Variants in DAB1 observed in about 807,000 individuals in gnomAD.
DAB1 encodes disabled homolog 1.
DAB1 carries 15 observed loss-of-function variants against 64.6 expected under a neutral mutation model. That is an observed-to-expected ratio of 0.23 (90% CI 0.16 to 0.36). The LOEUF is 0.36. Ranked by LOEUF, DAB1 falls within the 10% of genes least tolerant of loss-of-function variation. The probability of loss-of-function intolerance (pLI) is 1.00; values close to 1 mark genes in which losing one functional copy is unlikely to be tolerated. For synonymous variants in DAB1, 235 were observed against 251.9 expected (o/e 0.93, Z 0.64); for missense variants, 596 against 706.7 (o/e 0.84, Z 1.78).
chr1:58,027,204 T>C lies in DAB1; in HGVS notation n.387+123307A>G, dbSNP rs571419405. On this transcript the variant is annotated intron_variant and non_coding_transcript_variant, in intron 5 of 20. Coordinates refer to the DAB1 transcript ENST00000485760. ...AATGTGAAAAAGGAAGACAATATTA[T>C]GAGGTTTTTATAAAAGCAAAGTGGA... Among the ~76,000 whole-genome samples, 506 of 152,272 alleles carry C rather than the reference T, an allele frequency of 3.3e-3. 1 individual carries two copies. The highest frequency in any genetic ancestry group is 5.9e-3 in the Non-Finnish European group (398 of 68,030).
At chr1:57,711,497 A>T (rs190303124) in intron 6 of DAB1, among the ~76,000 whole-genome samples, 111 of 152,320 alleles carry the variant, frequency 7.3e-4, no homozygotes, top group Middle Eastern at 6.8e-3. Context: ...ATAGGAGTGA[A>T]ACTGCTGCTT....
intron 7 of DAB1, among the ~76,000 whole-genome samples, chr1:57,495,476 A>G (rs1644219537): frequency 6.6e-6 from 1 of 152,208 alleles, no homozygotes; most frequent in African/African-American, 2.4e-5. Context: ...CCGTCAATCA[A>G]ACTCAGCACT....
intron 4 of DAB1, chr1:58,228,785 A>C: frequency 3.8e-6 from 3 of 799,826 alleles, no homozygotes; most frequent in Non-Finnish European, 6.2e-6. Context: ...CAAGACAGAA[A>C]TCATAGAGCA....
intron 6 of DAB1, among the ~76,000 whole-genome samples, chr1:57,664,436 G>T (rs901030608): frequency 6.6e-6 from 1 of 152,102 alleles, no homozygotes; most frequent in Non-Finnish European, 1.5e-5. Context: ...TCCAATACAT[G>T]TATAGCTAGG....
chr1:57,510,791 T>C (rs1399200143), intron 7 of DAB1, among the ~76,000 whole-genome samples: 1 of 152,170 alleles, frequency 6.6e-6, no homozygotes, highest in Admixed American at 6.5e-5. Context: ...TTGATTTCAT[T>C]TTTTAGACTC....
intron 7 of DAB1, among the ~76,000 whole-genome samples, chr1:57,564,381 CT>C (rs1335867873): frequency 6.6e-6 from 1 of 152,164 alleles, no homozygotes; most frequent in African/African-American, 2.4e-5. Flanking sequence ...CAGAGCGCCT[CT>C]CCCCCTCCAA....
chr1:58,118,469 C>CTCATATAT (rs1652485398), intron 5 of DAB1, among the ~76,000 whole-genome samples: 3 of 22,036 alleles, frequency 1.4e-4, no homozygotes, highest in Admixed American at 7.7e-4. Context: ...TATCCTAAGG[C>CTCATATAT]ATATATATAT....
At chr1:57,694,565 C>G (rs754530920) in intron 6 of DAB1, among the ~76,000 whole-genome samples, 22 of 152,134 alleles carry the variant, frequency 1.4e-4, no homozygotes, top group Non-Finnish European at 4.4e-5. Context: ...AACTAGTTAT[C>G]TCTGGAGAGT....
chr1:58,353,460 T>C (rs1644078480), intron 3 of DAB1, among the ~76,000 whole-genome samples: 1 of 152,212 alleles, frequency 6.6e-6, no homozygotes, highest in Non-Finnish European at 1.5e-5. Context: ...TTACAGATTG[T>C]ATTAGTCTAC....
At chr1:57,878,568 TTA>T (rs1644091150) in intron 1 of DAB1, 1 of 152,166 alleles carries the variant, frequency 6.6e-6, no homozygotes, top group Non-Finnish European at 1.5e-5. Context: ...GACACAATAA[TTA>T]TATATATTTA....
intron 1 of DAB1, among the ~76,000 whole-genome samples, chr1:57,312,615 G>T (rs1674817463): frequency 6.6e-6 from 1 of 152,116 alleles, no homozygotes. Context: ...ATGCATCCAG[G>T]ATCTGATTTA....
At chr1:58,234,608 C>T (rs985794330) in intron 4 of DAB1, among the ~76,000 whole-genome samples, 5 of 152,136 alleles carry the variant, frequency 3.3e-5, no homozygotes, top group Admixed American at 1.3e-4. Flanking sequence ...GAATCACAGC[C>T]CTGGAAAGCT....
intron 3 of DAB1, among the ~76,000 whole-genome samples, chr1:58,483,900 A>G (rs1180516401): frequency 6.6e-6 from 1 of 152,198 alleles, no homozygotes; most frequent in African/African-American, 2.4e-5. Context: ...ATATCAGTGT[A>G]GTGCCTATGT....
chr1:57,435,296 G>C (rs970929434), intron 7 of DAB1, among the ~76,000 whole-genome samples: 9 of 151,992 alleles, frequency 5.9e-5, no homozygotes, highest in African/African-American at 1.9e-4. Context: ...TGATCTGACT[G>C]CCTCAGCCTC....
intron 5 of DAB1, among the ~76,000 whole-genome samples, chr1:58,124,436 T>A (rs1489235319): frequency 6.6e-6 from 1 of 152,184 alleles, no homozygotes; most frequent in Non-Finnish European, 1.5e-5. Flanking sequence ...TCAGTAATGA[T>A]TTAGGGGCTG....
intron 3 of DAB1, chr1:58,480,691 C>T (rs1645465053): frequency 4.0e-6 from 1 of 251,390 alleles, no homozygotes; most frequent in East Asian, 1.0e-4. Context: ...GGTCTGCCTT[C>T]TAAATCAAAA....
At chr1:57,847,531 G>C (rs1653345641) in intron 1 of DAB1, among the ~76,000 whole-genome samples, 1 of 152,112 alleles carries the variant, frequency 6.6e-6, no homozygotes, top group Non-Finnish European at 1.5e-5. Flanking sequence ...AGAAAAATGA[G>C]AGAGAAAAGG....
intron 1 of DAB1, among the ~76,000 whole-genome samples, chr1:57,384,242 C>T (rs1278735322): frequency 6.6e-6 from 1 of 152,084 alleles, no homozygotes; most frequent in East Asian, 1.9e-4. Context: ...AACAAACAAA[C>T]AAATAACAGC....
chr1:58,020,632 C>T (rs1421535977), intron 5 of DAB1, among the ~76,000 whole-genome samples: 10 of 152,176 alleles, frequency 6.6e-5, no homozygotes, highest in Admixed American at 5.2e-4. Context: ...GTCTTCCTCT[C>T]CCAAGGTGGC....
Sources: allele counts gnomAD v4.1 joint callset (sites outside exome capture counted in the v4.1 genomes callset), GRCh38; gene constraint gnomAD v4.1.1; transcripts MANE v1.5; gene names NCBI Gene and HGNC (gene_info 2026-07-23, HGNC 2026-07-21).